COL14A1: variants seen among roughly 807,000 people sequenced by gnomAD.
COL14A1 encodes the protein collagen type XIV alpha 1 chain, also known as collagen alpha-1(XIV) chain.
In COL14A1, 136 loss-of-function variants were observed where a neutral mutation model predicts 230.3. That is an observed-to-expected ratio of 0.59 (90% CI 0.51 to 0.68). COL14A1 has a LOEUF of 0.68. Among genes scored for constraint, COL14A1 ranks in the 30% least tolerant of loss-of-function variants. The pLI is 0.00. For synonymous variants in COL14A1, 792 were observed against 784.1 expected (o/e 1.01, Z -0.17); for missense variants, 1,976 against 2,215.8 (o/e 0.89, Z 2.17).
At chr8:120,165,763 C>T (rs562192006) in intron 4 of COL14A1, among the ~76,000 whole-genome samples, 29 of 152,226 alleles carry the variant, frequency 1.9e-4, no homozygotes, top group South Asian at 1.9e-3. Flanking sequence ...ACCTCTTCAA[C>T]GATTAGGAGA....
intron 45 of COL14A1, among the ~76,000 whole-genome samples, chr8:120,349,088 G>T (rs192609825): frequency 6.6e-6 from 1 of 152,280 alleles, no homozygotes; most frequent in African/African-American, 2.4e-5. Flanking sequence ...CCCTGACCCC[G>T]AGCAGGCTAA....
rs1479839910 is a variant in COL14A1 at position 120,278,471 on chromosome 8, C to T, written c.3374C>T (p.Thr1125Ile). ...AAGTATGTTCGAGATACCTTGTTCACTGCAGAGTCAGGTACAAGAAGGGGC... is the reference window on the plus strand; with the variant it reads ...AAGTATGTTCGAGATACCTTGTTCATTGCAGAGTCAGGTACAAGAAGGGGC... The part of the protein sequence containing the change: ...AIKYVRDTLF[T>I]AESGTRRGIP... Residue 1125 changes from threonine (T) to isoleucine (I), a missense_variant, in exon 28 of 48, where the codon ACT (threonine) becomes ATT (isoleucine). Physicochemically the swap from Thr to Ile is moderately conservative, Grantham distance 89. Transcript: ENST00000297848. 1.2e-6 allele frequency: 2 copies of T among 1,613,098 alleles called. No individual in the cohort carries two copies. Among genetic ancestry groups the T allele is most frequent in the South Asian group, 2.2e-5 (2 of 90,998 alleles).
intron 32 of COL14A1, among the ~76,000 whole-genome samples, chr8:120,284,069 C>T (rs1466600231): frequency 1.3e-5 from 2 of 152,146 alleles, no homozygotes; most frequent in African/African-American, 2.4e-5. Context: ...ACAGACAGAG[C>T]AAGGCCCTTG....
At chr8:120,229,829 T>C (rs930907607) in intron 18 of COL14A1, among the ~76,000 whole-genome samples, 11 of 152,214 alleles carry the variant, frequency 7.2e-5, no homozygotes, top group African/African-American at 1.9e-4. Context: ...TGGTATCTCA[T>C]TGTGGTTTTG....
chr8:120,151,642 A>C (rs1815288484), intron 2 of COL14A1, among the ~76,000 whole-genome samples: 1 of 149,620 alleles, frequency 6.7e-6, no homozygotes, highest in Admixed American at 6.6e-5. Flanking sequence ...TCCGTCTCAA[A>C]AAAAAAAAAA....
chr8:120,196,255 AGCCCTTCCTACTTT>A, intron 5 of COL14A1, among the ~76,000 whole-genome samples: 1 of 152,248 alleles, frequency 6.6e-6, no homozygotes, highest in South Asian at 2.1e-4. Context: ...TTGTTCCAAA[AGCCCTTCCTACTTT>A]AGAAAAAGTC....
chr8:120,244,676 T>G (rs148332035), intron 20 of COL14A1, among the ~76,000 whole-genome samples: 1 of 152,254 alleles, frequency 6.6e-6, no homozygotes, highest in South Asian at 2.1e-4. Context: ...TTAAAATAAG[T>G]CTCCAATCTC....
intron 14 of COL14A1, among the ~76,000 whole-genome samples, chr8:120,223,922 A>G (rs1052643839): frequency 6.6e-6 from 1 of 151,556 alleles, no homozygotes; most frequent in African/African-American, 2.4e-5. Context: ...TGCACCCTGT[A>G]CTATGCAGCG....
intron 24 of COL14A1, among the ~76,000 whole-genome samples, chr8:120,266,431 A>G (rs886638198): frequency 6.6e-6 from 1 of 152,104 alleles, no homozygotes; most frequent in Non-Finnish European, 1.5e-5. Flanking sequence ...GAAAAGTGCT[A>G]TTGAGCAAGG....
At chr8:120,207,954 T>C (rs1365810339) in intron 10 of COL14A1, among the ~76,000 whole-genome samples, 1 of 152,174 alleles carries the variant, frequency 6.6e-6, no homozygotes, top group African/African-American at 2.4e-5. Context: ...TTTACTGTTA[T>C]TAAGTGGATG....
intron 1 of COL14A1, among the ~76,000 whole-genome samples, chr8:120,133,242 A>AT (rs1180775383): frequency 6.6e-6 from 1 of 151,934 alleles, no homozygotes; most frequent in African/African-American, 2.4e-5. Flanking sequence ...AAAAAAAAAA[A>AT]AATAACTGTT....
At chr8:120,174,014 A>G (rs1362039554) in intron 5 of COL14A1, among the ~76,000 whole-genome samples, 2 of 152,168 alleles carry the variant, frequency 1.3e-5, no homozygotes, top group African/African-American at 2.4e-5. Flanking sequence ...ATTTTAATAC[A>G]GTTAAGTTAA....
chr8:120,180,536 A>G (rs984644729), intron 5 of COL14A1, among the ~76,000 whole-genome samples: 4 of 152,106 alleles, frequency 2.6e-5, no homozygotes, highest in Non-Finnish European at 5.9e-5. Flanking sequence ...GTCTCAATCC[A>G]GTATCCGTTG....
At chr8:120,283,093 G>A (rs1820089062) in intron 31 of COL14A1, among the ~76,000 whole-genome samples, 1 of 152,112 alleles carries the variant, frequency 6.6e-6, no homozygotes, top group East Asian at 1.9e-4. Context: ...ATTTCTGAAG[G>A]GGGATTGGTG....
At chr8:120,281,637 T>A (rs992896103) in intron 31 of COL14A1, among the ~76,000 whole-genome samples, 1 of 151,574 alleles carries the variant, frequency 6.6e-6, no homozygotes, top group Non-Finnish European at 1.5e-5. Flanking sequence ...TTATGTACAC[T>A]AACTCACTCA....
At position 120,196,675 on chromosome 8, in the gene COL14A1, C is replaced by T; in HGVS notation, c.437-116C>T. 1.4e-5 allele frequency: 14 copies of T among 1,012,656 alleles called. No homozygotes were observed. The South Asian group carries it at 2.7e-4, about 19-fold the overall frequency. 62.7% of individuals were successfully genotyped at this position (1,012,656 alleles called of 1,614,324 possible). On this transcript the variant is annotated intron_variant, in intron 5 of 47. Coordinates refer to ENST00000297848, the MANE Select transcript of COL14A1 (RefSeq NM_021110.4). ...GAAGAGTTGTAAAAAGATGGCTGCTCCTACGGGAACTCTTTTGTATTCTTA... is the reference window on the plus strand; with the variant it reads ...GAAGAGTTGTAAAAAGATGGCTGCTTCTACGGGAACTCTTTTGTATTCTTA...
At chr8:120,323,393 T>A (rs931991817) in intron 40 of COL14A1, among the ~76,000 whole-genome samples, 1 of 152,200 alleles carries the variant, frequency 6.6e-6, no homozygotes, top group Admixed American at 6.5e-5. Flanking sequence ...GATAGTTTCT[T>A]TTGCTGTACA....
intron 33 of COL14A1, among the ~76,000 whole-genome samples, chr8:120,287,332 T>A (rs964976818): frequency 2.0e-5 from 3 of 152,126 alleles, no homozygotes; most frequent in African/African-American, 7.2e-5. Context: ...TGGCTCAAAG[T>A]GGTCCCATTA....
intron 42 of COL14A1, 57 bp downstream of exon 42, chr8:120,332,792 G>C: frequency 5.7e-6 from 8 of 1,398,080 alleles, no homozygotes; most frequent in Non-Finnish European, 8.0e-6. Flanking sequence ...GTTTATTTAT[G>C]TGTTTAAATT....
Sources: allele counts gnomAD v4.1 joint callset (sites outside exome capture counted in the v4.1 genomes callset), GRCh38; gene constraint gnomAD v4.1.1; transcripts MANE v1.5; gene names NCBI Gene and HGNC (gene_info 2026-07-23, HGNC 2026-07-21).